The following MAMDC2 variants were observed in gnomAD, a reference collection of about 807,000 sequenced individuals.
MAMDC2 encodes the protein MAM domain containing 2.
MAMDC2 carries 57 observed loss-of-function variants against 89.8 expected under a neutral mutation model. That is an observed-to-expected ratio of 0.63 (90% CI 0.51 to 0.79). The LOEUF is 0.79. MAMDC2 is among the 30% of genes least tolerant of loss of function. The probability of loss-of-function intolerance (pLI) is 0.00; values close to 1 mark genes in which losing one functional copy is unlikely to be tolerated. For synonymous variants in MAMDC2, 313 were observed against 293.4 expected (o/e 1.07, Z -0.68); for missense variants, 800 against 820.6 (o/e 0.97, Z 0.31).
chr9:70,108,453 G>A lies in MAMDC2; in HGVS notation c.391G>A (p.Asp131Asn). 5 of 1,604,356 alleles carry A rather than the reference G, an allele frequency of 3.1e-6. No individual in the cohort carries two copies. Among genetic ancestry groups the A allele is most frequent in the Non-Finnish European group, 4.2e-6 (5 of 1,176,586 alleles). Reference protein sequence around the residue: ...PSDSWLIASLDLQNSSKKFKI... With the variant: ...PSDSWLIASLNLQNSSKKFKI... ...AGACAGCTGGCTCATAGCCAGCTTG[G>A]ATTTGCAAAACAGTTCCAAGAAATT... Residue 131 changes from aspartate (D) to asparagine (N), a missense_variant, in exon 3 of 14, where the codon GAT becomes AAT. Physicochemically the swap from Asp to Asn is conservative, Grantham distance 23 (BLOSUM62 1). Coordinates refer to ENST00000377182, the MANE Select transcript of MAMDC2 (RefSeq NM_153267.5).
In MAMDC2 at chr9:70,207,940, G is replaced by T. The variant is rs796484822; in HGVS notation, c.1652-10397G>T. Among the ~76,000 whole-genome samples the T allele has an allele frequency of 6.6e-5, 10 of 152,146 alleles. No individual in the cohort carries two copies. The South Asian group carries it at 8.3e-4, about 13-fold the overall frequency. On this transcript the variant is annotated intron_variant, in intron 11 of 13. Transcript: ENST00000377182. Reference sequence around the variant, plus strand: ...CAGGTTTGTCAAAGATCAGATGGTTGTAGATGTGTGGTATTATTTCTGAGG... The same window carrying T: ...CAGGTTTGTCAAAGATCAGATGGTTTTAGATGTGTGGTATTATTTCTGAGG...
intron 2 of MAMDC2, among the ~76,000 whole-genome samples, chr9:70,103,407 C>T (rs1042309080): frequency 4.6e-5 from 7 of 151,948 alleles, no homozygotes; most frequent in Admixed American, 1.3e-4. Flanking sequence ...TCAATAGAAT[C>T]GAATTGAGAA....
At chr9:70,048,102 C>G (rs201435196) in intron 2 of MAMDC2, among the ~76,000 whole-genome samples, 1 of 152,184 alleles carries the variant, frequency 6.6e-6, no homozygotes, top group East Asian at 1.9e-4. Flanking sequence ...TGTCTACTTT[C>G]TCATTTTGCC....
rs1009885396 is a variant in MAMDC2 at position 70,200,528 on chromosome 9, G to A, written c.1652-17809G>A. The stretch of plus-strand genomic sequence containing the variant: ...TCTTTTGGCTTAGGATTGACTTGGC[G>A]ATGCGGGCTCTTTTTTGGTTCCATA... On this transcript the variant is annotated intron_variant, in intron 11 of 13. Coordinates refer to ENST00000377182, the MANE Select transcript of MAMDC2 (RefSeq NM_153267.5). 6.5e-3 allele frequency among the ~76,000 whole-genome samples: 992 copies of A among 151,650 alleles called. 10 individuals are homozygous for A. Among genetic ancestry groups the A allele is most frequent in the Non-Finnish European group, 8.8e-3 (600 of 67,878 alleles).
At chr9:70,107,477 A>C (rs2118249444) in intron 2 of MAMDC2, among the ~76,000 whole-genome samples, 1 of 152,296 alleles carries the variant, frequency 6.6e-6, no homozygotes, top group African/African-American at 2.4e-5. Context: ...AGGAGAAGGA[A>C]GGACAATTGC....
intron 9 of MAMDC2, among the ~76,000 whole-genome samples, chr9:70,152,652 C>T (rs1279140858): frequency 6.6e-6 from 1 of 152,040 alleles, no homozygotes; most frequent in Admixed American, 6.6e-5. Flanking sequence ...CTCAGGATTC[C>T]TGAAAAAAAT....
At chr9:70,179,352 A>AACAC (rs56198912) in intron 11 of MAMDC2, among the ~76,000 whole-genome samples, 2,081 of 147,700 alleles carry the variant, frequency 0.014, 34 homozygotes, top group African/African-American at 0.042. Flanking sequence ...CTCTACTAAA[A>AACAC]ACACACACAC....
intron 9 of MAMDC2, among the ~76,000 whole-genome samples, chr9:70,159,974 G>A (rs530396426): frequency 6.6e-6 from 1 of 151,570 alleles, no homozygotes; most frequent in Non-Finnish European, 1.5e-5. Flanking sequence ...CACTTTGGGA[G>A]GGTGAGGCAG....
chr9:70,091,612 G>A lies in MAMDC2; in HGVS notation c.149-16599G>A, dbSNP rs577166927. Among the ~76,000 whole-genome samples the A allele has an allele frequency of 4.8e-4, 73 of 152,248 alleles. 2 individuals carry two copies. The highest frequency in any genetic ancestry group is 4.4e-3 in the Admixed American group (68 of 15,290). On this transcript the variant is annotated intron_variant, in intron 2 of 13. Transcript: ENST00000377182. ...ATTGCTTAATTTGGCAATCCGAATC[G>A]GATCCGGAATCTGGCTGCTTGTTAG...
At chr9:70,219,237 A>T (rs1016821852) in intron 12 of MAMDC2, among the ~76,000 whole-genome samples, 2 of 152,222 alleles carry the variant, frequency 1.3e-5, no homozygotes, top group African/African-American at 4.8e-5. Flanking sequence ...CTGAACAGCC[A>T]GTCTAGCCTG....
chr9:70,077,545 A>G (rs905122250), intron 2 of MAMDC2, among the ~76,000 whole-genome samples: 1 of 152,208 alleles, frequency 6.6e-6, no homozygotes, highest in African/African-American at 2.4e-5. Context: ...GTAAATAGCC[A>G]CATTTAAATG....
intron 9 of MAMDC2, among the ~76,000 whole-genome samples, chr9:70,158,828 T>C (rs908118882): frequency 2.8e-4 from 42 of 150,542 alleles, no homozygotes; most frequent in Admixed American, 2.7e-3. Context: ...TTTAAACCTA[T>C]ACAGCATGTT....
chr9:70,107,521 G>A (rs1319125493), intron 2 of MAMDC2, among the ~76,000 whole-genome samples: 1 of 152,186 alleles, frequency 6.6e-6, no homozygotes, highest in Non-Finnish European at 1.5e-5. Context: ...TCCCAGCCCT[G>A]TGCTACATGT....
At chr9:70,094,559 C>T (rs1827981697) in intron 2 of MAMDC2, among the ~76,000 whole-genome samples, 1 of 152,096 alleles carries the variant, frequency 6.6e-6, no homozygotes, top group Non-Finnish European at 1.5e-5. Context: ...ATTATATTTC[C>T]TTGAATAACA....
At chr9:70,194,061 A>G (rs187718612) in intron 11 of MAMDC2, 28 of 152,254 alleles carry the variant, frequency 1.8e-4, no homozygotes, top group Admixed American at 7.9e-4. Flanking sequence ...ATATGTAGCA[A>G]TTCCAAGGGA....
intron 11 of MAMDC2, chr9:70,171,989 C>T (rs1399162703): frequency 6.6e-6 from 1 of 152,232 alleles, no homozygotes; most frequent in Non-Finnish European, 1.5e-5. Context: ...ATAATTACCA[C>T]AGAACCACCT....
chr9:70,116,876 T>C (rs1419202216), intron 5 of MAMDC2, among the ~76,000 whole-genome samples: 1 of 152,080 alleles, frequency 6.6e-6, no homozygotes, highest in Non-Finnish European at 1.5e-5. Flanking sequence ...TTGCCTCTCT[T>C]CCCTCTTCCC....
Position 70,217,193 on chromosome 9 carries a change from C to T in MAMDC2, c.1652-1144C>T, listed in dbSNP as rs1029683895. ...CTTTTCTCTTCCCGTGGAGCCGTCG[C>T]CACGAAGGTCGAGCTGTGCAGTTTT... On this transcript the variant is annotated intron_variant, in intron 11 of 13. Coordinates refer to ENST00000377182, the MANE Select transcript of MAMDC2 (RefSeq NM_153267.5). 4 of 728,048 alleles carry T rather than the reference C, an allele frequency of 5.5e-6. No homozygotes were observed. In the African/African-American group the frequency reaches 7.0e-5, roughly 13 times the overall value. The allele number at this position is 728,048 out of a possible 1,614,324, so 45.1% of individuals were successfully genotyped here.
intron 2 of MAMDC2, among the ~76,000 whole-genome samples, chr9:70,093,393 C>T (rs1827951481): frequency 6.6e-6 from 1 of 151,378 alleles, no homozygotes; most frequent in Non-Finnish European, 1.5e-5. Flanking sequence ...ATGTCATCAT[C>T]ATCCACATGT....
Sources: gnomAD v4.1 joint callset for allele counts (sites outside exome capture counted in the v4.1 genomes callset) on GRCh38, gnomAD v4.1.1 for gene constraint, MANE v1.5 for transcripts, NCBI Gene and HGNC (gene_info 2026-07-23, HGNC 2026-07-21) for gene names.